The following COG5 variants were observed in gnomAD, a reference collection of about 807,000 sequenced individuals.
The protein encoded by COG5 is component of oligomeric golgi complex 5, also known as conserved oligomeric Golgi complex subunit 5.
A neutral mutation model predicts 110.4 loss-of-function variants in COG5; 86 were observed. That is an observed-to-expected ratio of 0.78 (90% CI 0.65 to 0.93). The LOEUF is 0.93. COG5 is among the 40% of genes least tolerant of loss of function. The probability of loss-of-function intolerance (pLI) is 0.00; values close to 1 mark genes in which losing one functional copy is unlikely to be tolerated. For synonymous variants in COG5, 360 were observed against 334.6 expected (o/e 1.08, Z -0.83); for missense variants, 1,077 against 987.0 (o/e 1.09, Z -1.22).
At chr7:107,242,408 C>T (rs987104840) in intron 17 of COG5, among the ~76,000 whole-genome samples, 27 of 152,330 alleles carry the variant, frequency 1.8e-4, no homozygotes, top group African/African-American at 6.3e-4. Flanking sequence ...TGCAGCAGCC[C>T]TATGGCAAAG....
chr7:107,546,435 G>GTTTTTTTTTTTTTTTTTTTTTTTTTTT (rs754919944), intron 5 of COG5, among the ~76,000 whole-genome samples: 1 of 119,520 alleles, frequency 8.4e-6, no homozygotes, highest in Non-Finnish European at 1.7e-5. Flanking sequence ...TTGGTTTTTT[G>GTTTTTTTTTTTTTTTTTTTTTTTTTTT]TTTTTTTTTT....
intron 6 of COG5, among the ~76,000 whole-genome samples, chr7:107,480,280 T>C (rs1325359885): frequency 1.3e-5 from 2 of 152,088 alleles, no homozygotes; most frequent in Non-Finnish European, 1.5e-5. Context: ...AACCATAAAA[T>C]AATGTATTTC....
At chr7:107,394,375 T>A (rs1365007714) in intron 7 of COG5, among the ~76,000 whole-genome samples, 2 of 152,132 alleles carry the variant, frequency 1.3e-5, no homozygotes, top group East Asian at 3.9e-4. Flanking sequence ...AACCAAAATA[T>A]TTCCCCTGCT....
intron 3 of COG5, among the ~76,000 whole-genome samples, chr7:107,549,924 T>C (rs1297307071): frequency 6.6e-6 from 1 of 152,072 alleles, no homozygotes; most frequent in Non-Finnish European, 1.5e-5. Flanking sequence ...CACACACACA[T>C]ATACAGACGT....
At chr7:107,375,284 G>A (rs1814532807) in intron 7 of COG5, among the ~76,000 whole-genome samples, 1 of 151,958 alleles carries the variant, frequency 6.6e-6, no homozygotes, top group Non-Finnish European at 1.5e-5. Context: ...ATAAATAATA[G>A]GCTTACTTCT....
intron 16 of COG5, among the ~76,000 whole-genome samples, chr7:107,252,800 A>T (rs770619816): frequency 6.6e-6 from 1 of 152,162 alleles, no homozygotes; most frequent in Non-Finnish European, 1.5e-5. Flanking sequence ...AGAATAAAAG[A>T]GTAGAGCCAT....
At chr7:107,379,639 T>G (rs1814937936) in intron 7 of COG5, among the ~76,000 whole-genome samples, 1 of 150,772 alleles carries the variant, frequency 6.6e-6, no homozygotes, top group African/African-American at 2.4e-5. Flanking sequence ...TCCTAGTTTT[T>G]GATAAAACAG....
intron 10 of COG5, among the ~76,000 whole-genome samples, chr7:107,347,430 T>G (rs532328444): frequency 6.6e-6 from 1 of 152,182 alleles, no homozygotes; most frequent in East Asian, 1.9e-4. Flanking sequence ...CATTCATAGA[T>G]TATTTTGATT....
chr7:107,417,035 T>C (rs892547684), intron 6 of COG5, among the ~76,000 whole-genome samples: 3 of 152,144 alleles, frequency 2.0e-5, no homozygotes, highest in African/African-American at 7.2e-5. Flanking sequence ...AATCCTCAAG[T>C]AACAGAAAAA....
At chr7:107,551,593 A>G (rs1802892917) in intron 3 of COG5, among the ~76,000 whole-genome samples, 1 of 152,106 alleles carries the variant, frequency 6.6e-6, no homozygotes, top group African/African-American at 2.4e-5. Flanking sequence ...AATGAATGCT[A>G]ACCAATTCAC....
chr7:107,418,861 G>A (rs952326369), intron 6 of COG5, among the ~76,000 whole-genome samples: 3 of 151,852 alleles, frequency 2.0e-5, no homozygotes, highest in East Asian at 1.9e-4. Context: ...TGCAACCTCC[G>A]CCTCCGGGGT....
chr7:107,261,090 T>C (rs980511383), intron 14 of COG5, among the ~76,000 whole-genome samples: 5 of 152,110 alleles, frequency 3.3e-5, no homozygotes, highest in Non-Finnish European at 7.4e-5. Flanking sequence ...GGAACCCGCG[T>C]ACAGGAAAAG....
chr7:107,336,358 G>A (rs1398083567), intron 10 of COG5, among the ~76,000 whole-genome samples: 1 of 152,116 alleles, frequency 6.6e-6, no homozygotes, highest in African/African-American at 2.4e-5. Flanking sequence ...TGAAGATAGT[G>A]AGTAGACTGG....
chr7:107,328,591 G>T (rs528320553), intron 10 of COG5, among the ~76,000 whole-genome samples: 18 of 152,128 alleles, frequency 1.2e-4, no homozygotes, highest in Non-Finnish European at 2.4e-4. Flanking sequence ...GAAGCAGAAA[G>T]AATAATGGTA....
At chr7:107,400,936 G>A (rs968410605) in intron 7 of COG5, among the ~76,000 whole-genome samples, 8 of 152,086 alleles carry the variant, frequency 5.3e-5, no homozygotes, top group Admixed American at 1.3e-4. Context: ...GGAAAGGGTA[G>A]ACAGAGAGAA....
chr7:107,342,847 C>T (rs774081238), intron 10 of COG5, among the ~76,000 whole-genome samples: 1 of 152,120 alleles, frequency 6.6e-6, no homozygotes. Flanking sequence ...TACTATTCAA[C>T]CCAGCAATCC....
intron 6 of COG5, among the ~76,000 whole-genome samples, chr7:107,423,085 T>TA: frequency 6.8e-6 from 1 of 147,974 alleles, no homozygotes; most frequent in East Asian, 2.0e-4. Context: ...TGATAAGCCT[T>TA]AATCTTTGCA....
chr7:107,363,775 G>A (rs1456807145), intron 8 of COG5, among the ~76,000 whole-genome samples: 1 of 152,058 alleles, frequency 6.6e-6, no homozygotes, highest in Non-Finnish European at 1.5e-5. Context: ...GACCAACATG[G>A]AGAAACCCCA....
At chr7:107,438,408 G>T (rs1031826965) in intron 6 of COG5, among the ~76,000 whole-genome samples, 3 of 152,110 alleles carry the variant, frequency 2.0e-5, no homozygotes, top group Non-Finnish European at 4.4e-5. Flanking sequence ...TCTTTGTCTT[G>T]TCACTTCTCT....
Sources: allele counts gnomAD v4.1 joint callset (sites outside exome capture counted in the v4.1 genomes callset), GRCh38; gene constraint gnomAD v4.1.1; transcripts MANE v1.5; gene names NCBI Gene and HGNC (gene_info 2026-07-23, HGNC 2026-07-21).